The following GLB1L3 variants were observed in gnomAD, a reference collection of about 807,000 sequenced individuals.
The protein encoded by GLB1L3 is beta-galactosidase-1-like protein 3.
A neutral mutation model predicts 89.5 loss-of-function variants in GLB1L3; 89 were observed. That is an observed-to-expected ratio of 0.99 (90% confidence interval 0.84 to 1.19). The LOEUF is 1.19. GLB1L3 is among the 50% of genes most tolerant of loss of function. The pLI, the probability that GLB1L3 is intolerant of heterozygous loss-of-function variation, is 0.00. For synonymous variants in GLB1L3, 314 were observed against 312.3 expected, an observed-to-expected ratio of 1.01 and a Z score of -0.06; for missense variants, 812 against 813.3, an observed-to-expected ratio of 1.00 and a Z score of 0.02.
At chr11:134,306,388 G>A (rs1942205862) in intron 9 of GLB1L3, among the ~76,000 whole-genome samples, 2 of 152,174 alleles carry the variant, frequency 1.3e-5, no homozygotes. Flanking sequence ...TCTTTTCTAT[G>A]GAAGTGTTTG....
At chr11:134,308,493 C>T (rs1335406989) in intron 10 of GLB1L3, among the ~76,000 whole-genome samples, 1 of 11,710 alleles carries the variant, frequency 8.5e-5, no homozygotes, top group Non-Finnish European at 1.9e-4. Context: ...CCACCATCAC[C>T]ACCAAATACC....
intron 6 of GLB1L3, among the ~76,000 whole-genome samples, chr11:134,287,924 A>G (rs779704212): frequency 1.3e-5 from 2 of 152,202 alleles, no homozygotes; most frequent in Non-Finnish European, 2.9e-5. Context: ...GGAGGAACGC[A>G]CTATAAAGCT....
At chr11:134,296,569 A>G (rs1358670372) in intron 9 of GLB1L3, among the ~76,000 whole-genome samples, 1 of 146,948 alleles carries the variant, frequency 6.8e-6, no homozygotes, top group African/African-American at 2.5e-5. Flanking sequence ...GGAAATCATC[A>G]TTCTCAGTAA....
rs1467556230 is a variant in GLB1L3 at position 134,309,632 on chromosome 11, A to G, written c.968A>G (p.Glu323Gly). 6.2e-7 allele frequency: 1 copy of G among 1,601,348 alleles called. No individual in the cohort carries two copies. Among genetic ancestry groups the G allele is most frequent in the Non-Finnish European group, 8.5e-7 (1 of 1,171,316 alleles). Residue 323 changes from glutamate (E) to glycine (G), a missense_variant, in exon 11 of 20, where the codon GAA (glutamate) becomes GGA (glycine). Physicochemically the swap from Glu to Gly is moderately conservative, Grantham distance 98. This residue lies in a region of GLB1L3 where 618 missense variants were observed against 604.0 expected (regional missense o/e 1.02). Coordinates refer to ENST00000431683, the MANE Select transcript of GLB1L3 (RefSeq NM_001080407.3). ...CTCATGTTCCCCTTTGCAGAGGTTG[A>G]ACATGCTGTGTCTGAATTCATCAAA... ...KHHVKDAKEV[E>G]HAVSEFIKYE...
chr11:134,308,165 ACC>A (rs1942295860), intron 10 of GLB1L3, among the ~76,000 whole-genome samples: 1 of 139,044 alleles, frequency 7.2e-6, no homozygotes, highest in African/African-American at 2.8e-5. Flanking sequence ...CAACACCACC[ACC>A]AGCACCACCA....
In GLB1L3 at chr11:134,277,420, A is replaced by C; in HGVS notation, c.118A>C (p.Met40Leu). ...APRFKQEENF[M>L]LGRAHPSQPR... is the part of the protein sequence containing the mutation. ...TCGGTTTAAGCAGGAAGAGAACTTC[A>C]TGCTTGGAAGAGCGCATCCGTCCCA... The change falls in exon 2 of 20, where the codon ATG becomes CTG. Residue 40 changes from methionine to leucine, a missense_variant. Coordinates refer to ENST00000431683, the MANE Select transcript of GLB1L3 (RefSeq NM_001080407.3). The C allele has an allele frequency of 6.2e-7, 1 of 1,613,834 alleles. No homozygotes were observed. Among genetic ancestry groups the C allele is most frequent in the Non-Finnish European group, 8.5e-7 (1 of 1,179,798 alleles).
chr11:134,309,811 G>A (rs1401192861), intron 11 of GLB1L3, 48 bp downstream of exon 11: 2 of 1,600,018 alleles, frequency 1.2e-6, no homozygotes, highest in Admixed American at 3.4e-5. Flanking sequence ...CGGTGCTGGG[G>A]CTTTACAGAG....
intron 9 of GLB1L3, among the ~76,000 whole-genome samples, chr11:134,299,714 T>C (rs1463157047): frequency 1.3e-5 from 2 of 152,208 alleles, no homozygotes; most frequent in Non-Finnish European, 2.9e-5. Flanking sequence ...GTTAGCCTGC[T>C]GGTGAGGGAG....
At chr11:134,310,219 TAAA>T (rs1005568193) in intron 11 of GLB1L3, 1 of 336,842 alleles carries the variant, frequency 3.0e-6, no homozygotes, top group Non-Finnish European at 5.5e-6. Context: ...CTGATGAGCT[TAAA>T]AAAAAAACAC....
chr11:134,313,015 C>T, intron 15 of GLB1L3, 128 bp downstream of exon 15: 1 of 747,020 alleles, frequency 1.3e-6, no homozygotes. Flanking sequence ...GGGGCGGCGG[C>T]AGGAAGTGTG....
rs150434679 is a variant in GLB1L3 at position 134,293,649 on chromosome 11, C to G, written c.876+440C>G. 2.6e-3 allele frequency among the ~76,000 whole-genome samples: 395 copies of G among 152,224 alleles called. 1 individual carries two copies. The highest frequency in any genetic ancestry group is 9.2e-3 in the African/African-American group (383 of 41,550). On this transcript the variant is annotated intron_variant, in intron 9 of 19. Transcript: ENST00000431683. Reference sequence around the variant, plus strand: ...GTGGATTGAGCGGCTCCCACCTTCTCTCAGTGGGTGACCTCCTGTGACATT... The same window carrying G: ...GTGGATTGAGCGGCTCCCACCTTCTGTCAGTGGGTGACCTCCTGTGACATT...
chr11:134,288,971 A>G (rs1199801030), intron 7 of GLB1L3, 81 bp downstream of exon 7: 2 of 967,984 alleles, frequency 2.1e-6, no homozygotes, highest in Non-Finnish European at 3.2e-6. Flanking sequence ...TGCATGAGTG[A>G]TCGGGCTGGA....
At chr11:134,321,028 G>T (rs1425435287), downstream of GLB1L3, among the ~76,000 whole-genome samples, 3 of 152,294 alleles carry the variant, frequency 2.0e-5, no homozygotes, top group Admixed American at 2.0e-4. Context: ...CGAGCAGATG[G>T]AAAGTCTGAC....
At chr11:134,302,537 C>A (rs1941999219) in intron 9 of GLB1L3, among the ~76,000 whole-genome samples, 1 of 151,990 alleles carries the variant, frequency 6.6e-6, no homozygotes, top group African/African-American at 2.4e-5. Context: ...ATCTAATGAT[C>A]TTAAAGATTT....
intron 18 of GLB1L3, among the ~76,000 whole-genome samples, chr11:134,314,840 C>T (rs985379298): frequency 1.3e-5 from 2 of 151,940 alleles, no homozygotes; most frequent in Non-Finnish European, 2.9e-5. Context: ...TGAAGCTTGC[C>T]TTTTTTTTCT....
At chr11:134,311,004 C>T (rs1942703909) in intron 12 of GLB1L3, 60 bp from the exon 13 acceptor site, 4 of 1,199,338 alleles carry the variant, frequency 3.3e-6, no homozygotes, top group Admixed American at 3.4e-5. Context: ...GCATGGGGGG[C>T]TTAGAGAAGG....
intron 7 of GLB1L3, among the ~76,000 whole-genome samples, chr11:134,290,594 G>GA (rs928517505): frequency 2.7e-5 from 3 of 111,756 alleles, no homozygotes; most frequent in Non-Finnish European, 3.9e-5. Flanking sequence ...AAAAAGAAAA[G>GA]AAAAAAAAAG....
chr11:134,312,258 C>T, intron 13 of GLB1L3, 91 bp from the exon 14 acceptor site: 2 of 1,418,272 alleles, frequency 1.4e-6, no homozygotes, highest in Non-Finnish European at 1.9e-6. Context: ...CCCTTGGGGA[C>T]CATTAGGCAG....
chr11:134,290,065 C>G (rs550202389), intron 7 of GLB1L3, among the ~76,000 whole-genome samples: 19 of 152,348 alleles, frequency 1.2e-4, no homozygotes, highest in African/African-American at 4.3e-4. Flanking sequence ...CACGTGCTGG[C>G]TCCCGCGCTA....
Sources: allele counts gnomAD v4.1 joint callset (sites outside exome capture counted in the v4.1 genomes callset), GRCh38; gene constraint gnomAD v4.1.1; regional missense constraint gnomAD v4.1.1; transcripts MANE v1.5; gene names NCBI Gene and HGNC (gene_info 2026-07-23, HGNC 2026-07-21).